The following TRAT1 variants were observed in gnomAD, a reference collection of about 807,000 sequenced individuals.
TRAT1 encodes the protein T-cell receptor-associated transmembrane adapter 1.
A neutral mutation model predicts 20.0 loss-of-function variants in TRAT1; 20 were observed. The ratio of observed to expected loss-of-function variants is 1.00; its 90% CI spans 0.70 to 1.45. The LOEUF (loss-of-function observed/expected upper bound fraction) is 1.45. TRAT1 is among the 40% of genes most tolerant of loss of function. TRAT1 has a pLI of 0.00. For missense variants in TRAT1, 237 were observed against 224.1 expected (o/e 1.06, Z -0.37); for synonymous variants, 77 against 74.2 (o/e 1.04, Z -0.20).
intron 3 of TRAT1, chr3:108,839,304 G>C (rs143468250): frequency 5.5e-4 from 137 of 247,554 alleles, no homozygotes; most frequent in African/African-American, 2.8e-3. Flanking sequence ...AAAATCCATA[G>C]TAGAAAACAA....
At chr3:108,839,001 C>T (rs750746108) in intron 3 of TRAT1, 34 bp downstream of exon 3, 6 of 1,527,740 alleles carry the variant, frequency 3.9e-6, no homozygotes, top group South Asian at 2.2e-5. Flanking sequence ...TCATGATTCC[C>T]AACTAATAAG....
At chr3:108,852,219 A>T (rs1416125115) in intron 5 of TRAT1, among the ~76,000 whole-genome samples, 1 of 152,184 alleles carries the variant, frequency 6.6e-6, no homozygotes, top group East Asian at 1.9e-4. Context: ...CGTCTCTACT[A>T]AAAATACAAA....
At chr3:108,839,844 AT>A (rs1468424074) in intron 3 of TRAT1, among the ~76,000 whole-genome samples, 1 of 152,030 alleles carries the variant, frequency 6.6e-6, no homozygotes, top group South Asian at 2.1e-4. Flanking sequence ...AGTAGTATAC[AT>A]TTTTTTAAAA....
At chr3:108,849,460 G>C (rs1226330059) in intron 5 of TRAT1, among the ~76,000 whole-genome samples, 1 of 152,138 alleles carries the variant, frequency 6.6e-6, no homozygotes, top group Admixed American at 6.5e-5. Context: ...AAAGGCAATA[G>C]ATTTTAAGGG....
At chr3:108,847,251 C>T in intron 4 of TRAT1, 122 bp downstream of exon 4, 1 of 587,502 alleles carries the variant, frequency 1.7e-6, no homozygotes, top group East Asian at 3.0e-5. Context: ...ACCATCAATT[C>T]AAGAACTTTT....
At chr3:108,825,892 CT>C (rs1945733574) in intron 1 of TRAT1, among the ~76,000 whole-genome samples, 1 of 152,114 alleles carries the variant, frequency 6.6e-6, no homozygotes, top group African/African-American at 2.4e-5. Flanking sequence ...TACTAAGGTT[CT>C]TCTCAAATAA....
chr3:108,851,311 T>C (rs1159021945), intron 5 of TRAT1, among the ~76,000 whole-genome samples: 1 of 152,240 alleles, frequency 6.6e-6, no homozygotes, highest in African/African-American at 2.4e-5. Context: ...CAGTCTTCTA[T>C]TAACTAGGAA....
At chr3:108,824,016 C>G (rs746488954) in intron 1 of TRAT1, among the ~76,000 whole-genome samples, 1 of 151,980 alleles carries the variant, frequency 6.6e-6, no homozygotes, top group Non-Finnish European at 1.5e-5. Flanking sequence ...GGACTACAGG[C>G]GCGTGCCACC....
At chr3:108,851,637 A>G (rs947419314) in intron 5 of TRAT1, among the ~76,000 whole-genome samples, 17 of 152,002 alleles carry the variant, frequency 1.1e-4, no homozygotes, top group Non-Finnish European at 1.3e-4. Context: ...TTAAAAAAAA[A>G]AAAAACACCT....
intron 5 of TRAT1, among the ~76,000 whole-genome samples, chr3:108,852,714 A>G (rs1338143705): frequency 6.6e-6 from 1 of 152,220 alleles, no homozygotes; most frequent in Non-Finnish European, 1.5e-5. Flanking sequence ...AGTAGTTATA[A>G]CTTTCATATA....
chr3:108,846,795 A>G (rs748720973), intron 3 of TRAT1, among the ~76,000 whole-genome samples: 3 of 152,218 alleles, frequency 2.0e-5, no homozygotes, highest in Non-Finnish European at 2.9e-5. Flanking sequence ...TGTAGCGCCT[A>G]ATATACAGTT....
At chr3:108,832,341 T>C (rs1280921927) in intron 2 of TRAT1, among the ~76,000 whole-genome samples, 1 of 152,194 alleles carries the variant, frequency 6.6e-6, no homozygotes, top group Non-Finnish European at 1.5e-5. Context: ...TAAGGTGAAA[T>C]TTATGACAAG....
chr3:108,832,728 G>A (rs995816178), intron 2 of TRAT1, among the ~76,000 whole-genome samples: 4 of 152,118 alleles, frequency 2.6e-5, no homozygotes, highest in Non-Finnish European at 5.9e-5. Flanking sequence ...GAGGGGCCAG[G>A]TAACAGGTAG....
intron 2 of TRAT1, among the ~76,000 whole-genome samples, chr3:108,838,427 C>T (rs1945860470): frequency 6.6e-6 from 1 of 151,692 alleles, no homozygotes; most frequent in African/African-American, 2.4e-5. Context: ...AGAAAAGTCT[C>T]CTATTGATTT....
At chr3:108,851,116 A>T (rs895252324) in intron 5 of TRAT1, among the ~76,000 whole-genome samples, 6 of 152,190 alleles carry the variant, frequency 3.9e-5, no homozygotes, top group African/African-American at 1.4e-4. Context: ...TCATAAAAAA[A>T]CACTACCTAG....
chr3:108,830,614 C>T (rs1945783454), intron 1 of TRAT1, 56 bp from the exon 2 acceptor site: 5 of 1,228,424 alleles, frequency 4.1e-6, no homozygotes, highest in Non-Finnish European at 6.0e-6. Flanking sequence ...ATAGCCAGAC[C>T]AAAACAAATG....
At chr3:108,852,692 T>C (rs114255734) in intron 5 of TRAT1, among the ~76,000 whole-genome samples, 1,730 of 152,338 alleles carry the variant, frequency 0.011, 33 homozygotes, top group African/African-American at 0.039. Flanking sequence ...TAGTGCTACC[T>C]TACTTTTGAA....
At chr3:108,840,578 T>C (rs1945887205) in intron 3 of TRAT1, among the ~76,000 whole-genome samples, 1 of 149,784 alleles carries the variant, frequency 6.7e-6, no homozygotes. Flanking sequence ...ATTCATTCAA[T>C]AAATATTCAC....
chr3:108,845,484 TTAAGC>T (rs1945934361), intron 3 of TRAT1, among the ~76,000 whole-genome samples: 1 of 152,214 alleles, frequency 6.6e-6, no homozygotes, highest in South Asian at 2.1e-4. Context: ...TATCCCAATA[TTAAGC>T]TGTATTGAAT....
Sources: gnomAD v4.1 joint callset for allele counts (sites outside exome capture counted in the v4.1 genomes callset) on GRCh38, gnomAD v4.1.1 for gene constraint, MANE v1.5 for transcripts, NCBI Gene and HGNC (gene_info 2026-07-23, HGNC 2026-07-21) for gene names.